SLC2A10: variants seen among roughly 807,000 people sequenced by gnomAD.
SLC2A10 encodes the protein solute carrier family 2 member 10.
SLC2A10 carries 25 observed loss-of-function variants against 32.1 expected under a neutral mutation model. The ratio of observed to expected loss-of-function variants is 0.78; its 90% CI spans 0.57 to 1.09. The LOEUF (loss-of-function observed/expected upper bound fraction) is 1.09. Among genes scored for constraint, SLC2A10 ranks in the 50% least tolerant of loss-of-function variants. SLC2A10 has a pLI of 0.00. For missense variants in SLC2A10, 673 were observed against 686.5 expected (o/e 0.98, Z 0.22); for synonymous variants, 332 against 309.6 (o/e 1.07, Z -0.76).
intron 1 of SLC2A10, among the ~76,000 whole-genome samples, chr20:46,713,681 G>A (rs1201616496): frequency 6.6e-6 from 1 of 152,216 alleles, no homozygotes; most frequent in African/African-American, 2.4e-5. Context: ...TGGCTGCTGT[G>A]TAGAATTAGT....
At chr20:46,727,305 G>GCTTTT (rs1375514055) in intron 3 of SLC2A10, among the ~76,000 whole-genome samples, 2 of 152,188 alleles carry the variant, frequency 1.3e-5, no homozygotes, top group South Asian at 4.2e-4. Flanking sequence ...GTTTTTCTTG[G>GCTTTT]CTTTTCTTTT....
chr20:46,729,370 T>G lies in SLC2A10; in HGVS notation c.1429T>G (p.Trp477Gly). 1 of 1,613,786 alleles carries G rather than the reference T, an allele frequency of 6.2e-7. No homozygotes were observed. Among genetic ancestry groups the G allele is most frequent in the South Asian group, 1.1e-5 (1 of 91,066 alleles). The change falls in exon 4 of 5, where the codon TGG becomes GGG. Residue 477 changes from tryptophan to glycine, a missense_variant. Physicochemically the swap from Trp to Gly is radical, Grantham distance 184. Transcript: ENST00000359271. ...LDLIGTIGLS[W>G]TFLLYGLTAV... ...GTTTCCAGGCACCATCGGCTTGTCCTGGACCTTCCTGCTCTACGGACTGAC... is the reference window on the plus strand; with the variant it reads ...GTTTCCAGGCACCATCGGCTTGTCCGGGACCTTCCTGCTCTACGGACTGAC...
upstream of SLC2A10, among the ~76,000 whole-genome samples, chr20:46,708,566 G>C (rs953655251): frequency 6.6e-6 from 1 of 152,148 alleles, no homozygotes; most frequent in African/African-American, 2.4e-5. Flanking sequence ...AAGTTCTTAC[G>C]GAGCATATAT....
rs886056727 is a variant in SLC2A10, at chr20:46,733,804, C to T, written c.1596C>T (p.Tyr532=). 1 of 1,614,194 alleles carries T rather than the reference C, an allele frequency of 6.2e-7. No homozygotes were observed. The highest frequency in any genetic ancestry group is 8.5e-7 in the Non-Finnish European group (1 of 1,180,018). Residue 532 remains tyrosine (Y), a synonymous_variant, in exon 5 of 5, where the codon TAC becomes TAT. Transcript: ENST00000359271. The stretch of plus-strand genomic sequence containing the variant: ...GGCAGAACTCCACTGGCATCCCGTA[C>T]AGCCGCATCGAGATCTCTGCGGCCT... The part of the protein sequence containing the change: ...GHRQNSTGIP[Y]SRIEISAAS
chr20:46,730,852 G>C (rs1158234383), intron 4 of SLC2A10, among the ~76,000 whole-genome samples: 1 of 152,164 alleles, frequency 6.6e-6, no homozygotes, highest in African/African-American at 2.4e-5. Flanking sequence ...TTAAAAGCAG[G>C]TGATAGTCAC....
chr20:46,729,553 G>A, intron 4 of SLC2A10, 65 bp downstream of exon 4: 1 of 1,564,226 alleles, frequency 6.4e-7, no homozygotes. Context: ...ACAGCTTCAG[G>A]ATTTTAGTCT....
chr20:46,724,166 G>C (rs1381516532), intron 1 of SLC2A10, among the ~76,000 whole-genome samples: 2 of 152,082 alleles, frequency 1.3e-5, no homozygotes, highest in African/African-American at 2.4e-5. Flanking sequence ...CTCCTTCCCT[G>C]CTTCATTTTT....
chr20:46,733,653 T>C lies in SLC2A10; in HGVS notation c.1548-103T>C, dbSNP rs529030972. ...GAGGCAGGAAGGGTCATGGTAGGAG[T>C]GAAGGTGGGATTGGGTGGTGGGAAC... is the stretch of plus-strand genomic sequence containing the variant. On this transcript the variant is annotated intron_variant, in intron 4 of 4. Transcript: ENST00000359271. The C allele has an allele frequency of 1.3e-4, 111 of 867,514 alleles. No individual in the cohort carries two copies. The African/African-American group carries it at 1.7e-3, about 13-fold the overall frequency. The allele number at this position is 867,514 out of a possible 1,614,324, so 53.7% of individuals were successfully genotyped here. A position where few individuals can be genotyped will look rare whatever the true frequency, so the allele number is the denominator to read the frequency against.
intron 3 of SLC2A10, among the ~76,000 whole-genome samples, chr20:46,728,792 A>T (rs1023465135): frequency 6.6e-6 from 1 of 150,532 alleles, no homozygotes; most frequent in African/African-American, 2.4e-5. Flanking sequence ...TAATTTTTTT[A>T]TTTTTTATTT....
chr20:46,731,483 C>A (rs1410786689), intron 4 of SLC2A10, among the ~76,000 whole-genome samples: 5 of 152,184 alleles, frequency 3.3e-5, no homozygotes, highest in African/African-American at 1.2e-4. Flanking sequence ...GGAGAAGATT[C>A]CAAATCCATC....
intron 1 of SLC2A10, among the ~76,000 whole-genome samples, chr20:46,715,693 A>G (rs1218007535): frequency 6.6e-6 from 1 of 152,192 alleles, no homozygotes; most frequent in East Asian, 1.9e-4. Flanking sequence ...AAACTGCCTA[A>G]CAAAGCTAAG....
intron 1 of SLC2A10, among the ~76,000 whole-genome samples, chr20:46,722,425 A>G (rs773916867): frequency 6.6e-5 from 10 of 152,250 alleles, no homozygotes; most frequent in Non-Finnish European, 1.5e-4. Context: ...TAATATATCA[A>G]GCTTTTAGCA....
Position 46,734,008 on chromosome 20 carries a change from CTCT to C in SLC2A10, c.*177_*179del, listed in dbSNP as rs1427969308. The C allele has an allele frequency of 2.9e-6, 2 of 680,222 alleles. No individual in the cohort carries two copies. Among genetic ancestry groups the C allele is most frequent in the African/African-American group, 3.5e-5 (2 of 56,534 alleles). 42.1% of individuals were successfully genotyped at this position (680,222 alleles called of 1,614,324 possible). ...AGGATGAAAGTCTGAGAATGCCCAACTCTTCATTTTGAGTCTCAGGCCCTGAAG... is the reference window on the plus strand; with the variant it reads ...AGGATGAAAGTCTGAGAATGCCCAACTCATTTTGAGTCTCAGGCCCTGAAG... On this transcript the variant is annotated 3_prime_UTR_variant, in exon 5 of 5. Transcript: ENST00000359271.
rs1163995599 is a variant in SLC2A10 at position 46,725,332 on chromosome 20, C to A, written c.296C>A (p.Ala99Asp). ...SLTLGLAGSL[A>D]WLVLGRAVVG... is the part of the protein sequence containing the mutation. Reference sequence around the variant, plus strand: ...ACCCTGGGCCTGGCTGGTTCCCTGGCCTGGCTGGTCCTGGGCCGCGCTGTG... The same window carrying A: ...ACCCTGGGCCTGGCTGGTTCCCTGGACTGGCTGGTCCTGGGCCGCGCTGTG... Residue 99 changes from alanine to aspartate, a missense_variant, in exon 2 of 5, where the codon GCC (alanine) becomes GAC (aspartate). Physicochemically the swap from Ala to Asp is moderately radical, Grantham distance 126. Coordinates refer to ENST00000359271, the MANE Select transcript of SLC2A10 (RefSeq NM_030777.4). 3 of 1,614,114 alleles carry A rather than the reference C, an allele frequency of 1.9e-6. No homozygotes were observed. Among genetic ancestry groups the A allele is most frequent in the South Asian group, 2.2e-5 (2 of 91,086 alleles).
chr20:46,731,142 G>A (rs987774067), intron 4 of SLC2A10, among the ~76,000 whole-genome samples: 1 of 152,218 alleles, frequency 6.6e-6, no homozygotes, highest in Non-Finnish European at 1.5e-5. Flanking sequence ...TGGGGGTCCA[G>A]GGTTGGGTGG....
At chr20:46,727,147 T>C (rs573776291) in intron 3 of SLC2A10, among the ~76,000 whole-genome samples, 161 bp downstream of exon 3, 1 of 149,384 alleles carries the variant, frequency 6.7e-6, no homozygotes, top group East Asian at 1.9e-4. Flanking sequence ...TCATATGCAC[T>C]GTAAAACTCC....
At chr20:46,729,285 C>G in intron 3 of SLC2A10, 68 bp from the exon 4 acceptor site, 1 of 1,600,528 alleles carries the variant, frequency 6.2e-7, no homozygotes, top group East Asian at 2.2e-5. Context: ...TAGAACCTAC[C>G]AGTTGGCCCA....
chr20:46,709,831 C>T, intron 1 of SLC2A10, 91 bp downstream of exon 1: 1 of 1,470,238 alleles, frequency 6.8e-7, no homozygotes, highest in Non-Finnish European at 9.3e-7. Context: ...GTGCGCGCCC[C>T]CTGGCTCCCC....
At position 46,725,467 on chromosome 20, in the gene SLC2A10, C is replaced by T. The variant is rs756790929; in HGVS notation, c.431C>T (p.Thr144Ile). The T allele has an allele frequency of 9.9e-6, 16 of 1,614,030 alleles. 1 individual carries two copies. The South Asian group carries it at 1.6e-4, about 17-fold the overall frequency. Reference protein sequence around the residue: ...VLVSLYEAGITVGILLSYALN... With the variant: ...VLVSLYEAGIIVGILLSYALN... ...GTGTCCCTCTATGAGGCAGGCATCA[C>T]CGTGGGCATCCTGCTCTCCTATGCC... Residue 144 changes from threonine (T) to isoleucine (I), a missense_variant, in exon 2 of 5, where the codon ACC (threonine) becomes ATC (isoleucine). Thr to Ile is a moderately conservative substitution (Grantham distance 89). Transcript: ENST00000359271.
Sources: allele counts gnomAD v4.1 joint callset (sites outside exome capture counted in the v4.1 genomes callset), GRCh38; gene constraint gnomAD v4.1.1; transcripts MANE v1.5; gene names NCBI Gene and HGNC (gene_info 2026-07-23, HGNC 2026-07-21).